The following GRID2 variants were observed in gnomAD, a reference collection of about 807,000 sequenced individuals.
GRID2 encodes glutamate ionotropic receptor delta type subunit 2.
Under a neutral mutation model 114.8 loss-of-function variants are expected in GRID2, and 33 were observed. That is an observed-to-expected ratio of 0.29 (90% confidence interval 0.22 to 0.38). The LOEUF is 0.38. Among genes scored for constraint, GRID2 ranks in the 10% least tolerant of loss-of-function variants. GRID2 has a pLI of 1.00. For missense variants in GRID2, 1,184 were observed against 1,257.7 expected (o/e 0.94, Z 0.89); for synonymous variants, 505 against 449.9 (o/e 1.12, Z -1.55).
intron 2 of GRID2, among the ~76,000 whole-genome samples, chr4:92,978,652 A>G (rs1215692981): frequency 6.6e-6 from 1 of 152,212 alleles, no homozygotes; most frequent in Admixed American, 6.5e-5. Context: ...ACTTAAACAG[A>G]TTAAAAATGA....
At chr4:92,964,834 T>C (rs1316905729) in intron 2 of GRID2, among the ~76,000 whole-genome samples, 1 of 152,036 alleles carries the variant, frequency 6.6e-6, no homozygotes, top group East Asian at 1.9e-4. Context: ...GCTGGTTTGA[T>C]CTATTCAGAC....
At chr4:93,217,860 A>T (rs1329161844) in intron 6 of GRID2, among the ~76,000 whole-genome samples, 1 of 152,124 alleles carries the variant, frequency 6.6e-6, no homozygotes, top group East Asian at 1.9e-4. Context: ...GGCCAATCTT[A>T]GAAGTAAGCA....
chr4:93,257,510 C>A (rs1282748774), intron 8 of GRID2, among the ~76,000 whole-genome samples: 1 of 151,532 alleles, frequency 6.6e-6, no homozygotes, highest in Non-Finnish European at 1.5e-5. Flanking sequence ...ATTAACTTTA[C>A]AAATATTGAG....
chr4:92,443,631 A>G (rs576503744), intron 1 of GRID2, among the ~76,000 whole-genome samples: 103 of 152,148 alleles, frequency 6.8e-4, no homozygotes, highest in African/African-American at 2.4e-3. Flanking sequence ...GAAAAGCGGG[A>G]CTTGCCGCTA....
At position 93,612,518 on chromosome 4, in the gene GRID2, A is replaced by G. The variant is rs1243081972; in HGVS notation, c.2194-13751A>G. Among the ~76,000 whole-genome samples the G allele has an allele frequency of 1.9e-3, 190 of 101,534 alleles. 2 individuals carry two copies. The highest frequency in any genetic ancestry group is 7.2e-3 in the African/African-American group (183 of 25,426). The allele number at this position is 101,534 out of a possible 152,430, so 66.6% of individuals were successfully genotyped here. ...TTAGGGCAGGCCTGGTGGTGACAAA[A>G]TCTCTCAGCATTTGCTTGTCTATAA... On this transcript the variant is annotated intron_variant, in intron 13 of 15. Transcript: ENST00000282020.
intron 1 of GRID2, among the ~76,000 whole-genome samples, chr4:92,512,614 G>C (rs1315041270): frequency 6.6e-6 from 1 of 151,674 alleles, no homozygotes; most frequent in Non-Finnish European, 1.5e-5. Context: ...GGTAGGTAGA[G>C]GTATACACTA....
intron 2 of GRID2, among the ~76,000 whole-genome samples, chr4:92,664,110 T>C (rs1157360624): frequency 6.6e-6 from 1 of 151,232 alleles, no homozygotes; most frequent in Non-Finnish European, 1.5e-5. Context: ...GGAGAGACTA[T>C]CGATTTGAGA....
At chr4:93,439,933 C>T in intron 10 of GRID2, among the ~76,000 whole-genome samples, 1 of 151,946 alleles carries the variant, frequency 6.6e-6, no homozygotes, top group Non-Finnish European at 1.5e-5. Flanking sequence ...ACCATTCTGA[C>T]CCACCATTTC....
intron 14 of GRID2, among the ~76,000 whole-genome samples, chr4:93,656,857 A>AAAAAAAAC (rs1553973735): frequency 1.1e-4 from 10 of 93,882 alleles, no homozygotes; most frequent in Middle Eastern, 7.4e-3. Flanking sequence ...AAAAAAAAAA[A>AAAAAAAAC]CAAATAATTC....
chr4:92,536,258 T>C (rs1725626014), intron 1 of GRID2, among the ~76,000 whole-genome samples: 1 of 152,104 alleles, frequency 6.6e-6, no homozygotes, highest in South Asian at 2.1e-4. Context: ...ACAGAAAAGT[T>C]CTCCAAGTCC....
At chr4:93,180,298 T>C (rs937552472) in intron 4 of GRID2, among the ~76,000 whole-genome samples, 5 of 152,116 alleles carry the variant, frequency 3.3e-5, no homozygotes, top group Non-Finnish European at 5.9e-5. Context: ...AGTGCAATAG[T>C]ATGATGCCAA....
At chr4:92,545,462 G>A (rs1017036683) in intron 1 of GRID2, among the ~76,000 whole-genome samples, 1 of 152,116 alleles carries the variant, frequency 6.6e-6, no homozygotes, top group African/African-American at 2.4e-5. Flanking sequence ...AGTGAATTCA[G>A]GTTAAATTCT....
At chr4:92,411,007 G>T (rs1731274474) in intron 1 of GRID2, among the ~76,000 whole-genome samples, 1 of 151,916 alleles carries the variant, frequency 6.6e-6, no homozygotes, top group Non-Finnish European at 1.5e-5. Context: ...GCAGCCACTG[G>T]TTTTCATCAT....
intron 13 of GRID2, among the ~76,000 whole-genome samples, chr4:93,558,943 A>G (rs1312680955): frequency 5.9e-5 from 9 of 152,202 alleles, no homozygotes; most frequent in East Asian, 5.8e-4. Flanking sequence ...ATGCAAATCA[A>G]TAGACGTAAT....
chr4:92,770,491 C>T (rs1307432769), intron 2 of GRID2, among the ~76,000 whole-genome samples: 2 of 152,110 alleles, frequency 1.3e-5, no homozygotes, highest in Non-Finnish European at 2.9e-5. Flanking sequence ...TTACTCTAGT[C>T]ATCTGTTTTC....
chr4:92,778,020 G>A (rs1578178836), intron 2 of GRID2, among the ~76,000 whole-genome samples: 1 of 152,056 alleles, frequency 6.6e-6, no homozygotes, highest in Non-Finnish European at 1.5e-5. Context: ...AGATAACTAG[G>A]CATTTAGGGT....
At chr4:92,498,439 A>G (rs1723503442) in intron 1 of GRID2, among the ~76,000 whole-genome samples, 1 of 151,966 alleles carries the variant, frequency 6.6e-6, no homozygotes, top group Admixed American at 6.6e-5. Context: ...AAAGGCATTT[A>G]TATTTAAATA....
At chr4:93,252,152 T>G (rs1306182237) in intron 8 of GRID2, among the ~76,000 whole-genome samples, 1 of 152,142 alleles carries the variant, frequency 6.6e-6, no homozygotes, top group Non-Finnish European at 1.5e-5. Context: ...GCCTATGTTC[T>G]GAATGGTATT....
chr4:92,433,011 T>C (rs886151604), intron 1 of GRID2, among the ~76,000 whole-genome samples: 6 of 152,094 alleles, frequency 3.9e-5, no homozygotes, highest in African/African-American at 1.4e-4. Flanking sequence ...CAGCTTTCCT[T>C]TTTGTTCAGG....
Sources: gnomAD v4.1 joint callset for allele counts (sites outside exome capture counted in the v4.1 genomes callset) on GRCh38, gnomAD v4.1.1 for gene constraint, MANE v1.5 for transcripts, NCBI Gene and HGNC (gene_info 2026-07-23, HGNC 2026-07-21) for gene names.